Variants in YBX1 observed in about 807,000 individuals in gnomAD.
YBX1 encodes Y-box binding protein 1.
Under a neutral mutation model 41.4 loss-of-function variants are expected in YBX1, and 3 were observed. The ratio of observed to expected loss-of-function variants is 0.07; its 90% confidence interval spans 0.03 to 0.19. The LOEUF (loss-of-function observed/expected upper bound fraction) is 0.19. YBX1 is among the 10% of genes least tolerant of loss of function. The pLI is 1.00. For synonymous variants in YBX1, 133 were observed against 165.8 expected, an observed-to-expected ratio of 0.80 and a Z score of 1.52; for missense variants, 274 against 462.8, an observed-to-expected ratio of 0.59 and a Z score of 3.74.
At chr1:42,687,983 A>G (rs891964028) in intron 2 of YBX1, among the ~76,000 whole-genome samples, 16 of 152,186 alleles carry the variant, frequency 1.1e-4, no homozygotes, top group Non-Finnish European at 1.9e-4. Context: ...GACAAACATC[A>G]ATGACATGTA....
chr1:42,697,767 C>T (rs893775405), intron 6 of YBX1, among the ~76,000 whole-genome samples: 3 of 151,966 alleles, frequency 2.0e-5, no homozygotes, highest in African/African-American at 7.2e-5. Context: ...TCCAGTCTGT[C>T]GTTAGACAAC....
intron 1 of YBX1, 87 bp downstream of exon 1, chr1:42,682,818 G>A: frequency 2.2e-6 from 2 of 910,326 alleles, no homozygotes; most frequent in South Asian, 5.6e-5. Context: ...CGGCGGGCGC[G>A]CGGCCGGTGG....
Position 42,696,853 on chromosome 1 carries a change from G to A in YBX1, c.566G>A (p.Arg189His), listed in dbSNP as rs760982493. ...CAGGCCCAACAACGCCGGCCCTACC[G>A]CAGGCGAAGGTTCCCACCTTACTAC... The part of the protein sequence containing the change: ...EGQAQQRRPY[R>H]RRRFPPYYMR... Residue 189 changes from arginine to histidine, a missense_variant, in exon 5 of 8, where the codon CGC becomes CAC. Arg to His is a conservative substitution (Grantham distance 29). Transcript: ENST00000321358. This position sits in a 1 kb window ranked among gnomAD's most constrained non-coding sequence, Gnocchi z 5.7. 1.9e-6 allele frequency: 3 copies of A among 1,609,520 alleles called. No homozygotes were observed. The highest frequency in any genetic ancestry group is 2.5e-6 in the Non-Finnish European group (3 of 1,177,380).
rs1276945798 is a variant in YBX1, at chr1:42,702,326, C to A, written c.*377C>A. Reference sequence around the variant, plus strand: ...AAAAAAGTCAACAAACTGCAAGCACCTGTTAATAAAGGTCTTAAATAATTG... The same window carrying A: ...AAAAAAGTCAACAAACTGCAAGCACATGTTAATAAAGGTCTTAAATAATTG... On this transcript the variant is annotated 3_prime_UTR_variant, in exon 8 of 8. Transcript: ENST00000321358. 11 of 152,532 alleles carry A rather than the reference C, an allele frequency of 7.2e-5. No individual in the cohort carries two copies. 9.4% of individuals were successfully genotyped at this position (152,532 alleles called of 1,614,324 possible).
intron 1 of YBX1, 173 bp from the exon 2 acceptor site, chr1:42,683,230 C>T: frequency 1.3e-6 from 1 of 769,282 alleles, no homozygotes; most frequent in Non-Finnish European, 2.3e-6. Context: ...TCAGACTCAC[C>T]CACGTGTGCG....
At chr1:42,685,681 T>G (rs901978318) in intron 2 of YBX1, among the ~76,000 whole-genome samples, 2 of 152,232 alleles carry the variant, frequency 1.3e-5, no homozygotes, top group East Asian at 1.9e-4. Context: ...ATGACTATTG[T>G]GACGACTTTT....
intron 2 of YBX1, among the ~76,000 whole-genome samples, chr1:42,685,771 T>C (rs1650179510): frequency 6.6e-6 from 1 of 152,228 alleles, no homozygotes; most frequent in South Asian, 2.1e-4. Flanking sequence ...GTATGTAAAT[T>C]TTCTGCCTTT....
intron 6 of YBX1, among the ~76,000 whole-genome samples, chr1:42,700,432 C>T (rs757991263): frequency 1.3e-5 from 2 of 151,976 alleles, no homozygotes; most frequent in African/African-American, 4.8e-5. Flanking sequence ...AGCAACACAT[C>T]GCTACTAAAA....
Position 42,696,522 on chromosome 1 carries a change from CT to C in YBX1, c.355-112del, listed in dbSNP as rs1553135734. On this transcript the variant is annotated intron_variant, in intron 4 of 7. Transcript: ENST00000321358. This position sits in a 1 kb window ranked among gnomAD's most constrained non-coding sequence, Gnocchi z 5.7. ...GGTCACGCAGTTGCGCCCCCCCCCC[CT>C]TTTTTTTCCTTAACTTTGTTGTTTT... 47 of 637,548 alleles carry C rather than the reference CT, an allele frequency of 7.4e-5. No homozygotes were observed. Among genetic ancestry groups the C allele is most frequent in the East Asian group, 5.7e-4 (15 of 26,240 alleles). 39.5% of individuals were successfully genotyped at this position (637,548 alleles called of 1,614,324 possible).
At chr1:42,683,278 T>C in intron 1 of YBX1, 125 bp from the exon 2 acceptor site, 2 of 1,114,118 alleles carry the variant, frequency 1.8e-6, no homozygotes, top group Non-Finnish European at 2.7e-6. Flanking sequence ...ACCCGGGCGG[T>C]GGAGAGAAAG....
intron 7 of YBX1, among the ~76,000 whole-genome samples, chr1:42,701,528 GT>G (rs200264018): frequency 3.6e-4 from 52 of 143,440 alleles, no homozygotes; most frequent in Admixed American, 4.2e-4. Flanking sequence ...ATTTCTAATT[GT>G]TTTTTTTTTT....
chr1:42,697,869 C>T (rs557523933), intron 6 of YBX1, among the ~76,000 whole-genome samples: 1 of 152,184 alleles, frequency 6.6e-6, no homozygotes, highest in African/African-American at 2.4e-5. Context: ...ATATTTTAGT[C>T]CATGCCGTAG....
intron 1 of YBX1, chr1:42,683,137 C>T (rs1391259097): frequency 3.2e-6 from 2 of 628,866 alleles, no homozygotes; most frequent in Non-Finnish European, 2.9e-6. Context: ...CTTCCCCTTC[C>T]CTCACGTGCT....
chr1:42,697,577 A>G (rs1650491907), intron 6 of YBX1, among the ~76,000 whole-genome samples: 1 of 152,212 alleles, frequency 6.6e-6, no homozygotes, highest in Non-Finnish European at 1.5e-5. Context: ...GAGTATCTGA[A>G]TTGTACCATG....
rs773873615 is a variant in YBX1 at position 42,696,969 on chromosome 1, A to C, written c.657+25A>C. On this transcript the variant is annotated intron_variant, in intron 5 of 7. Coordinates refer to ENST00000321358, the MANE Select transcript of YBX1 (RefSeq NM_004559.5). This position sits in a 1 kb window ranked among gnomAD's most constrained non-coding sequence, Gnocchi z 5.7. Reference sequence around the variant, plus strand: ...GGTAAGTTTCACCATCAACAACAGCAATGTGATAAGTTCTGGTAGGACTGT... The same window carrying C: ...GGTAAGTTTCACCATCAACAACAGCCATGTGATAAGTTCTGGTAGGACTGT... 3 of 1,538,728 alleles carry C rather than the reference A, an allele frequency of 1.9e-6. No individual in the cohort carries two copies. Among genetic ancestry groups the C allele is most frequent in the Non-Finnish European group, 1.8e-6 (2 of 1,142,750 alleles).
chr1:42,698,569 T>A (rs577789743), intron 6 of YBX1, among the ~76,000 whole-genome samples: 51 of 152,336 alleles, frequency 3.3e-4, no homozygotes, highest in Non-Finnish European at 5.7e-4. Context: ...ATGTTTTGCC[T>A]AGTTTCATTG....
intron 1 of YBX1, chr1:42,682,949 G>GCCGCGCGC (rs1003646943): frequency 2.7e-5 from 4 of 147,678 alleles, no homozygotes; most frequent in African/African-American, 1.0e-4. Context: ...ACCCCGCGCG[G>GCCGCGCGC]CCGCGCGCCC....
chr1:42,693,925 A>G (rs1650399396), intron 3 of YBX1, among the ~76,000 whole-genome samples: 1 of 152,208 alleles, frequency 6.6e-6, no homozygotes, highest in African/African-American at 2.4e-5. Flanking sequence ...CTCCATAATC[A>G]AGGGTAAATA....
At chr1:42,684,281 A>C (rs1650137274) in intron 2 of YBX1, among the ~76,000 whole-genome samples, 1 of 152,212 alleles carries the variant, frequency 6.6e-6, no homozygotes, top group Non-Finnish European at 1.5e-5. Context: ...CAGTAGACGC[A>C]CTGTATTCCA....
Sources: allele counts gnomAD v4.1 joint callset (sites outside exome capture counted in the v4.1 genomes callset), GRCh38; gene constraint gnomAD v4.1.1; non-coding constraint Gnocchi (gnomAD v3.1); transcripts MANE v1.5; gene names NCBI Gene and HGNC (gene_info 2026-07-23, HGNC 2026-07-21).